SLCO4A1: variants seen among roughly 807,000 people sequenced by gnomAD.
SLCO4A1 encodes solute carrier organic anion transporter family member 4A1.
A neutral mutation model predicts 64.6 loss-of-function variants in SLCO4A1; 51 were observed. The ratio of observed to expected loss-of-function variants is 0.79; its 90% CI spans 0.63 to 1.00. SLCO4A1 has a LOEUF of 1.00. SLCO4A1 is among the 50% of genes least tolerant of loss of function. SLCO4A1 has a pLI of 0.00. For missense variants in SLCO4A1, 919 were observed against 980.5 expected, an observed-to-expected ratio of 0.94 and a Z score of 0.84; for synonymous variants, 471 against 444.9, an observed-to-expected ratio of 1.06 and a Z score of -0.74.
chr20:62,656,626 C>T lies in SLCO4A1; in HGVS notation c.172C>T (p.Pro58Ser), dbSNP rs1452000548. The T allele has an allele frequency of 6.2e-7, 1 of 1,600,910 alleles. No homozygotes were observed. Among genetic ancestry groups the T allele is most frequent in the African/African-American group, 1.3e-5 (1 of 74,732 alleles). Residue 58 changes from proline to serine, a missense_variant, in exon 2 of 12, where the codon CCC (proline) becomes TCC (serine). By Grantham distance (74) the Pro-to-Ser change is moderately conservative (BLOSUM62 -1). Coordinates refer to ENST00000217159, the MANE Select transcript of SLCO4A1 (RefSeq NM_016354.4). ...AHSPLDTSKQ[P>S]LCQLWAEKHG... ...TAGCCCCCTGGACACCAGCAAGCAG[C>T]CCCTCTGCCAGCTCTGGGCCGAGAA...
intron 1 of SLCO4A1, chr20:62,650,679 A>G (rs1461071959): frequency 6.6e-6 from 1 of 152,172 alleles, no homozygotes; most frequent in African/African-American, 2.4e-5. Context: ...TTTGTCATTG[A>G]TGGAACTGAT....
chr20:62,678,824 G>A (rs1187150143), intron 2 of SLCO4A1, among the ~76,000 whole-genome samples: 1 of 152,186 alleles, frequency 6.6e-6, no homozygotes, highest in Non-Finnish European at 1.5e-5. Flanking sequence ...AGTAGTGTGT[G>A]GTTTCACTTA....
At chr20:62,674,275 T>C (rs1207770490), downstream of SLCO4A1, among the ~76,000 whole-genome samples, 1 of 152,186 alleles carries the variant, frequency 6.6e-6, no homozygotes, top group South Asian at 2.1e-4. Context: ...CGTGTGGCAC[T>C]GAGCATCCGT....
At position 62,656,883 on chromosome 20, in the gene SLCO4A1, G is replaced by A. The variant is rs779232031; in HGVS notation, c.429G>A (p.Gly143=). ...ATGACCTGCACAGCTACCAGAGCGG[G>A]CTCATCGCCAGCTCCTACGACATTG... ...RRYDLHSYQS[G]LIASSYDIAA... is the part of the protein sequence containing the mutation. The change falls in exon 2 of 12, where the codon GGG becomes GGA. Residue 143 remains glycine (G), a synonymous_variant. Transcript: ENST00000217159. 2 of 1,582,582 alleles carry A rather than the reference G, an allele frequency of 1.3e-6. No individual in the cohort carries two copies. The highest frequency in any genetic ancestry group is 1.3e-5 in the African/African-American group (1 of 74,530).
chr20:62,652,099 A>T (rs1158182378), intron 1 of SLCO4A1: 1 of 142,680 alleles, frequency 7.0e-6, no homozygotes, highest in Non-Finnish European at 1.5e-5. Flanking sequence ...ACGTGCAGCT[A>T]GGCGGAACCT....
intron 6 of SLCO4A1, 70 bp from the exon 7 acceptor site, chr20:62,666,310 G>A: frequency 2.1e-6 from 3 of 1,417,922 alleles, no homozygotes; most frequent in Non-Finnish European, 2.9e-6. Context: ...AGTGGACCCG[G>A]CTGATCCACC....
At chr20:62,689,665 C>T (rs80291413), downstream of SLCO4A1, among the ~76,000 whole-genome samples, 1,057 of 152,318 alleles carry the variant, frequency 6.9e-3, 13 homozygotes, top group African/African-American at 0.024. Context: ...TTTCCAAAGA[C>T]GCCCTGGTCA....
chr20:62,668,430 T>C (rs756866612), intron 9 of SLCO4A1, 47 bp from the exon 10 acceptor site: 1 of 1,595,930 alleles, frequency 6.3e-7, no homozygotes, highest in East Asian at 2.2e-5. Flanking sequence ...TGACTTGGCA[T>C]GCAACCCCAC....
At position 62,661,145 on chromosome 20, in the gene SLCO4A1, A is replaced by C; in HGVS notation, c.1091A>C (p.Asp364Ala). The C allele has an allele frequency of 6.2e-7, 1 of 1,612,550 alleles. No individual in the cohort carries two copies. Among genetic ancestry groups the C allele is most frequent in the African/African-American group, 1.3e-5 (1 of 74,952 alleles). ...AGCCGTGGGGAGGCGAGCAACCCGGACTTTGGGAAAACCATCAGAGACCTG... is the reference window on the plus strand; with the variant it reads ...AGCCGTGGGGAGGCGAGCAACCCGGCCTTTGGGAAAACCATCAGAGACCTG... Reference protein sequence around the residue: ...DSSRGEASNPDFGKTIRDLPL... With the variant: ...DSSRGEASNPAFGKTIRDLPL... Residue 364 changes from aspartate to alanine, a missense_variant, in exon 5 of 12, where the codon GAC becomes GCC. Coordinates refer to ENST00000217159, the MANE Select transcript of SLCO4A1 (RefSeq NM_016354.4). This position sits in a 1 kb window ranked among gnomAD's most constrained non-coding sequence, Gnocchi z 5.2.
Position 62,658,893 on chromosome 20 carries a change from G to A in SLCO4A1, c.887+126G>A, listed in dbSNP as rs567400567. ...GGCGCAGGTGCTGGGCACCCCCCGG[G>A]CTGGAGGGAGTCAAGGCTGGCCTTG... On this transcript the variant is annotated intron_variant, in intron 3 of 11. Coordinates refer to ENST00000217159, the MANE Select transcript of SLCO4A1 (RefSeq NM_016354.4). 8.6e-5 allele frequency: 67 copies of A among 780,420 alleles called. 1 individual carries two copies. The South Asian group carries it at 1.1e-3, about 13-fold the overall frequency. The allele number at this position is 780,420 out of a possible 1,614,324, so 48.3% of individuals were successfully genotyped here.
downstream of SLCO4A1, among the ~76,000 whole-genome samples, chr20:62,675,589 C>T (rs1394125499): frequency 1.3e-5 from 2 of 152,214 alleles, no homozygotes; most frequent in East Asian, 1.9e-4. Context: ...AGCCTGGTCC[C>T]GGCCCCAGCC....
At position 62,672,028 on chromosome 20, in the gene SLCO4A1, G is replaced by A. The variant is rs780537346; in HGVS notation, c.*135G>A. On this transcript the variant is annotated 3_prime_UTR_variant, in exon 12 of 12. Transcript: ENST00000217159. The stretch of plus-strand genomic sequence containing the variant: ...TCTACTTAACCTGTGGTTTAAAGTC[G>A]GCTGTGACCTCCTGTCCCCAGAGCT... 4.7e-5 allele frequency: 73 copies of A among 1,565,428 alleles called. No individual in the cohort carries two copies. Among genetic ancestry groups the A allele is most frequent in the South Asian group, 2.8e-4 (25 of 87,824 alleles).
chr20:62,652,956 T>G (rs1308538730), intron 1 of SLCO4A1, among the ~76,000 whole-genome samples: 1 of 152,250 alleles, frequency 6.6e-6, no homozygotes, highest in Non-Finnish European at 1.5e-5. Flanking sequence ...GGGGCCAGAC[T>G]GCGGGGGCTG....
rs200032070 is a variant in SLCO4A1, at chr20:62,668,968, G to A, written c.1915G>A (p.Asp639Asn). The stretch of plus-strand genomic sequence containing the variant: ...GCCCATCGCCTTCGGCTGGGTGATC[G>A]ACAAGGCCTGTCTGCTGTGGCAGGA... ...PGPIAFGWVI[D>N]KACLLWQDQC... The change falls in exon 11 of 12, where the codon GAC becomes AAC. Residue 639 changes from aspartate (D) to asparagine (N), a missense_variant. Coordinates refer to ENST00000217159, the MANE Select transcript of SLCO4A1 (RefSeq NM_016354.4). 5.0e-6 allele frequency: 8 copies of A among 1,609,014 alleles called. No homozygotes were observed. The highest frequency in any genetic ancestry group is 4.5e-5 in the East Asian group (2 of 44,886).
intron 5 of SLCO4A1, chr20:62,663,094 G>T (rs1212303956): frequency 6.6e-6 from 1 of 152,216 alleles, no homozygotes; most frequent in Admixed American, 6.5e-5. Flanking sequence ...CCATGTTCAT[G>T]GCTGCTGAGG....
At chr20:62,659,907 G>A (rs1056658634) in intron 3 of SLCO4A1, among the ~76,000 whole-genome samples, 1 of 152,238 alleles carries the variant, frequency 6.6e-6, no homozygotes, top group African/African-American at 2.4e-5. Flanking sequence ...CTCCACGGCC[G>A]CCTCAGCCCA....
At chr20:62,676,076 T>C (rs543345619), downstream of SLCO4A1, among the ~76,000 whole-genome samples, 351 of 152,334 alleles carry the variant, frequency 2.3e-3, 1 homozygote, top group African/African-American at 8.0e-3. Context: ...TCAAATTTTC[T>C]GGTTGTTGGA....
rs531556363 is a variant in SLCO4A1 at position 62,668,045 on chromosome 20, C to T, written c.1672C>T (p.Leu558Phe). 1 of 1,614,040 alleles carries T rather than the reference C, an allele frequency of 6.2e-7. No homozygotes were observed. The highest frequency in any genetic ancestry group is 1.7e-5 in the Admixed American group (1 of 60,028). Residue 558 changes from leucine (L) to phenylalanine (F), a missense_variant, in exon 9 of 12, where the codon CTT (leucine) becomes TTT (phenylalanine). Transcript: ENST00000217159. Reference protein sequence around the residue: ...YRDCSCIPQNLSSGFGHATAG... With the variant: ...YRDCSCIPQNFSSGFGHATAG... ...AGACTGTAGCTGTATCCCTCAGAAT[C>T]TTTCCTCTGGTTTTGGCCATGCCAC...
At chr20:62,651,486 G>A (rs1276108208) in intron 1 of SLCO4A1, 3 of 152,324 alleles carry the variant, frequency 2.0e-5, no homozygotes, top group Non-Finnish European at 2.9e-5. Context: ...AATTCTCATC[G>A]TCTGCGGCCG....
Sources: allele counts gnomAD v4.1 joint callset (sites outside exome capture counted in the v4.1 genomes callset), GRCh38; gene constraint gnomAD v4.1.1; non-coding constraint Gnocchi (gnomAD v3.1); transcripts MANE v1.5; gene names NCBI Gene and HGNC (gene_info 2026-07-23, HGNC 2026-07-21).